The following LEMD1 variants were observed in gnomAD, a reference collection of about 807,000 sequenced individuals.
LEMD1 encodes the protein LEM domain containing 1, also known as LEM domain-containing protein 1.
A neutral mutation model predicts 17.4 loss-of-function variants in LEMD1; 18 were observed. The observed-to-expected ratio is 1.04, with a 90% CI of 0.72 to 1.54. The LOEUF (loss-of-function observed/expected upper bound fraction) is 1.54, where lower values mean the gene tolerates loss of function less well. LEMD1 is among the 40% of genes most tolerant of loss of function. LEMD1 has a pLI of 0.00. For synonymous variants in LEMD1, 88 were observed against 77.8 expected, an observed-to-expected ratio of 1.13 and a Z score of -0.69; for missense variants, 195 against 210.4, an observed-to-expected ratio of 0.93 and a Z score of 0.45.
At chr1:205,447,398 C>T (rs902306444) in intron 1 of LEMD1, among the ~76,000 whole-genome samples, 10 of 152,142 alleles carry the variant, frequency 6.6e-5, no homozygotes, top group Non-Finnish European at 1.3e-4. Context: ...AGAAACTTGC[C>T]TTCTGATTGT....
intron 5 of LEMD1, among the ~76,000 whole-genome samples, chr1:205,383,030 C>A (rs183424028): frequency 6.6e-6 from 1 of 152,080 alleles, no homozygotes; most frequent in South Asian, 2.1e-4. Flanking sequence ...TCTTTTTATT[C>A]GTTTTTAAAA....
At chr1:205,392,851 C>G (rs1282132206) in intron 4 of LEMD1, among the ~76,000 whole-genome samples, 1 of 152,164 alleles carries the variant, frequency 6.6e-6, no homozygotes, top group Non-Finnish European at 1.5e-5. Context: ...ATCTACAGAT[C>G]AAGAAGCTGC....
chr1:205,428,348 G>C (rs994601081), intron 1 of LEMD1, among the ~76,000 whole-genome samples: 2 of 152,148 alleles, frequency 1.3e-5, no homozygotes, highest in Non-Finnish European at 2.9e-5. Context: ...GGGGATGAGA[G>C]GAAGGGTGCA....
chr1:205,410,112 G>A (rs868500947), intron 4 of LEMD1, among the ~76,000 whole-genome samples: 20 of 150,536 alleles, frequency 1.3e-4, no homozygotes, highest in Admixed American at 7.9e-4. Flanking sequence ...TGTAGAGATG[G>A]GTTCTTGTCA....
intron 1 of LEMD1, among the ~76,000 whole-genome samples, chr1:205,442,146 T>C (rs938622906): frequency 6.6e-6 from 1 of 152,154 alleles, no homozygotes; most frequent in African/African-American, 2.4e-5. Flanking sequence ...GAAAGCGCCC[T>C]GCGTGGAGGT....
intron 4 of LEMD1, among the ~76,000 whole-genome samples, chr1:205,389,037 C>CT (rs61341380): frequency 0.13 from 10,458 of 77,506 alleles, 2,198 homozygotes; most frequent in South Asian, 0.23. Flanking sequence ...CATTTGCTTT[C>CT]TTTTTTTTTT....
At chr1:205,419,573 T>C (rs903695570) in intron 2 of LEMD1, among the ~76,000 whole-genome samples, 2 of 152,222 alleles carry the variant, frequency 1.3e-5, no homozygotes, top group East Asian at 3.8e-4. Context: ...CAAGCGATTC[T>C]CCGGCCTCAG....
In LEMD1 at chr1:205,409,774, ATT is replaced by A. The variant is rs113455474; in HGVS notation, c.270+6456_270+6457del. Among the ~76,000 whole-genome samples, 8 of 116,336 alleles carry A rather than the reference ATT, an allele frequency of 6.9e-5. No homozygotes were observed. In the South Asian group the frequency reaches 7.8e-4, roughly 11 times the overall value. 76.3% of individuals were successfully genotyped at this position (116,336 alleles called of 152,430 possible). A position where few individuals can be genotyped will look rare whatever the true frequency, so the allele number is the denominator to read the frequency against. On this transcript the variant is annotated intron_variant, in intron 4 of 5. Transcript: ENST00000367153. ...GCGTGCCACTATGCCCAGTTAATTAATTTTTTTTTTTTTTTGAGACAGAGTTT... is the reference window on the plus strand; with the variant it reads ...GCGTGCCACTATGCCCAGTTAATTAATTTTTTTTTTTTTGAGACAGAGTTT...
intron 1 of LEMD1, among the ~76,000 whole-genome samples, chr1:205,438,336 G>A (rs1666239479): frequency 6.6e-6 from 1 of 152,244 alleles, no homozygotes; most frequent in Non-Finnish European, 1.5e-5. Flanking sequence ...CCACCTCAAG[G>A]TGGAGTCTCT....
At chr1:205,408,553 T>G (rs767081508) in intron 4 of LEMD1, among the ~76,000 whole-genome samples, 5 of 149,794 alleles carry the variant, frequency 3.3e-5, no homozygotes, top group South Asian at 2.1e-4. Context: ...CAAGCTGGAG[T>G]GCATTGGTGC....
At chr1:205,398,740 GCATGGACA>G (rs1350290904) in intron 4 of LEMD1, among the ~76,000 whole-genome samples, 1 of 152,126 alleles carries the variant, frequency 6.6e-6, no homozygotes, top group South Asian at 2.1e-4. Flanking sequence ...AGGGGGACCA[GCATGGACA>G]CATTAGTGTG....
chr1:205,418,116 C>A (rs959736317), intron 3 of LEMD1, among the ~76,000 whole-genome samples: 7 of 152,148 alleles, frequency 4.6e-5, no homozygotes, highest in African/African-American at 7.2e-5. Flanking sequence ...CTCAGTGATG[C>A]TGGGCCAGTC....
intron 3 of LEMD1, among the ~76,000 whole-genome samples, chr1:205,418,366 C>G (rs116032424): frequency 4.6e-5 from 7 of 152,154 alleles, no homozygotes; most frequent in African/African-American, 1.7e-4. Context: ...AATGGTGTAC[C>G]CAGAGCAGGG....
chr1:205,425,194 C>T (rs1320312859), upstream of LEMD1, among the ~76,000 whole-genome samples: 1 of 152,202 alleles, frequency 6.6e-6, no homozygotes, highest in Non-Finnish European at 1.5e-5. Flanking sequence ...CTAGTCAACC[C>T]TTGATTATCT....
chr1:205,445,496 G>T (rs556529004), intron 1 of LEMD1, among the ~76,000 whole-genome samples: 1 of 152,346 alleles, frequency 6.6e-6, no homozygotes, highest in East Asian at 1.9e-4. Flanking sequence ...ACAGGCCAAG[G>T]CCTCTGCCTC....
At chr1:205,439,047 A>T (rs762606430) in intron 1 of LEMD1, among the ~76,000 whole-genome samples, 114 of 152,320 alleles carry the variant, frequency 7.5e-4, no homozygotes, top group Admixed American at 3.9e-3. Flanking sequence ...TCTGCCACAG[A>T]AGTGACTTTT....
intron 1 of LEMD1, among the ~76,000 whole-genome samples, chr1:205,444,801 G>C (rs1002256927): frequency 3.9e-5 from 6 of 152,026 alleles, no homozygotes; most frequent in Admixed American, 2.0e-4. Context: ...CAAGAAGAGG[G>C]ATATTGCGCC....
chr1:205,429,139 C>T (rs1666094273), intron 1 of LEMD1, among the ~76,000 whole-genome samples: 1 of 152,256 alleles, frequency 6.6e-6, no homozygotes, highest in African/African-American at 2.4e-5. Flanking sequence ...CCTTACCCTC[C>T]ACAGGTGGCC....
intron 1 of LEMD1, among the ~76,000 whole-genome samples, chr1:205,443,725 G>A (rs1666335503): frequency 6.6e-6 from 1 of 152,214 alleles, no homozygotes. Flanking sequence ...ACTGTAAGGT[G>A]CACAACTCCA....
Sources: gnomAD v4.1 joint callset for allele counts (sites outside exome capture counted in the v4.1 genomes callset) on GRCh38, gnomAD v4.1.1 for gene constraint, MANE v1.5 for transcripts, NCBI Gene and HGNC (gene_info 2026-07-23, HGNC 2026-07-21) for gene names.